CCL24: variants seen among roughly 807,000 people sequenced by gnomAD.
The protein encoded by CCL24 is C-C motif chemokine ligand 24, also known as C-C motif chemokine 24.
A neutral mutation model predicts 8.6 loss-of-function variants in CCL24; 6 were observed. The ratio of observed to expected loss-of-function variants is 0.70; its 90% CI spans 0.38 to 1.38. The LOEUF (loss-of-function observed/expected upper bound fraction) is 1.38. CCL24 is among the 40% of genes most tolerant of loss of function. The pLI is 0.02. For missense variants in CCL24, 126 were observed against 147.1 expected (o/e 0.86, Z 0.74); for synonymous variants, 59 against 52.7 (o/e 1.12, Z -0.52).
intron 1 of CCL24, among the ~76,000 whole-genome samples, chr7:75,820,551 G>A (rs1249482619): frequency 6.6e-6 from 1 of 152,080 alleles, no homozygotes; most frequent in Non-Finnish European, 1.5e-5. Context: ...CCCCAAGGGA[G>A]GTGTTTCAGG....
chr7:75,815,471 G>A (rs965396881), upstream of CCL24, among the ~76,000 whole-genome samples: 1 of 151,522 alleles, frequency 6.6e-6, no homozygotes, highest in African/African-American at 2.4e-5. Flanking sequence ...GCAAAACCCC[G>A]TCTTTAAAAA....
At chr7:75,812,087 A>G in intron 2 of CCL24, 123 bp from the exon 3 acceptor site, 1 of 734,810 alleles carries the variant, frequency 1.4e-6, no homozygotes, top group Non-Finnish European at 2.2e-6. Context: ...TGCTGAGATG[A>G]TGTCATCTTC....
chr7:75,813,230 AC>A (rs1253005984), intron 2 of CCL24, 75 bp downstream of exon 2: 2 of 830,228 alleles, frequency 2.4e-6, no homozygotes, highest in African/African-American at 3.3e-5. Context: ...GGGCTGGCTG[AC>A]CTTGCTTCTC....
At chr7:75,819,161 G>T (rs1441510965) in intron 1 of CCL24, among the ~76,000 whole-genome samples, 1 of 145,320 alleles carries the variant, frequency 6.9e-6, no homozygotes, top group Non-Finnish European at 1.5e-5. Flanking sequence ...CCAGCTGCTC[G>T]GGAGGCTGAG....
At chr7:75,820,894 T>C (rs1554535018) in intron 1 of CCL24, among the ~76,000 whole-genome samples, 1 of 150,446 alleles carries the variant, frequency 6.6e-6, no homozygotes, top group Non-Finnish European at 1.5e-5. Flanking sequence ...CATCCATCCA[T>C]TCATTAATCC....
upstream of CCL24, among the ~76,000 whole-genome samples, chr7:75,817,661 C>A (rs1360838374): frequency 1.3e-5 from 2 of 151,518 alleles, no homozygotes; most frequent in Admixed American, 6.6e-5. Flanking sequence ...CATCACCACA[C>A]CCAGCTAGTT....
At position 75,811,011 on chromosome 7, in the gene CCL24, A is replaced by G. The variant is rs569741031; in HGVS notation, c.*785T>C. Among the ~76,000 whole-genome samples the G allele has an allele frequency of 1.3e-3, 197 of 151,816 alleles. No homozygotes were observed. Among genetic ancestry groups the G allele is most frequent in the Non-Finnish European group, 2.3e-3 (155 of 67,926 alleles). ...GTGGGGTGAGCCCAGATTTGAAGGC[A>G]GTACAGGCCCTTGTCCCCAAGACAG... On this transcript the variant is annotated 3_prime_UTR_variant, in exon 3 of 3. Transcript: ENST00000222902.
chr7:75,814,075 G>C (rs1191241876), upstream of CCL24, among the ~76,000 whole-genome samples: 6 of 152,204 alleles, frequency 3.9e-5, no homozygotes, highest in African/African-American at 1.4e-4. Context: ...GCCACTCCCT[G>C]TGGGATCCTG....
rs375998761 is a variant in CCL24, at chr7:75,811,748, C to T, written c.*48G>A. 162 of 1,545,718 alleles carry T rather than the reference C, an allele frequency of 1.0e-4. 2 individuals are homozygous for T. In the Middle Eastern group the frequency reaches 2.5e-3, roughly 24 times the overall value. ...TGGCTTCTCCAGGCCCCGAGTAGCC[C>T]GCCAAGCAGCTCAGGCCCAAACTCA... is the stretch of plus-strand genomic sequence containing the variant. On this transcript the variant is annotated 3_prime_UTR_variant, in exon 3 of 3. Coordinates refer to ENST00000222902, the MANE Select transcript of CCL24 (RefSeq NM_002991.3).
chr7:75,815,605 C>T (rs576189868), upstream of CCL24, among the ~76,000 whole-genome samples: 4 of 152,278 alleles, frequency 2.6e-5, no homozygotes, highest in Admixed American at 1.3e-4. Flanking sequence ...CTGGCAACTA[C>T]GCGGAAGCCT....
intron 1 of CCL24, among the ~76,000 whole-genome samples, chr7:75,821,907 G>C (rs1335285797): frequency 7.0e-6 from 1 of 143,606 alleles, no homozygotes; most frequent in South Asian, 2.2e-4. Flanking sequence ...CAGCCTGGGC[G>C]ACAGAGCGAG....
At chr7:75,815,627 C>T (rs143654858), upstream of CCL24, among the ~76,000 whole-genome samples, 564 of 152,252 alleles carry the variant, frequency 3.7e-3, 4 homozygotes, top group African/African-American at 0.013. Context: ...TAAGTCATAA[C>T]GTCCAGTTCA....
At chr7:75,818,543 A>T (rs1279869587), upstream of CCL24, among the ~76,000 whole-genome samples, 6 of 150,660 alleles carry the variant, frequency 4.0e-5, no homozygotes, top group Non-Finnish European at 7.4e-5. Context: ...TGGGAGGCCG[A>T]GGTGGGAGGA....
chr7:75,811,746 C>A lies in CCL24; in HGVS notation c.*50G>T, dbSNP rs1554533443. 2 of 1,535,474 alleles carry A rather than the reference C, an allele frequency of 1.3e-6. No homozygotes were observed. The highest frequency in any genetic ancestry group is 1.2e-5 in the South Asian group (1 of 81,574). On this transcript the variant is annotated 3_prime_UTR_variant, in exon 3 of 3. Coordinates refer to ENST00000222902, the MANE Select transcript of CCL24 (RefSeq NM_002991.3). ...TGTGGCTTCTCCAGGCCCCGAGTAGCCCGCCAAGCAGCTCAGGCCCAAACT... is the reference window on the plus strand; with the variant it reads ...TGTGGCTTCTCCAGGCCCCGAGTAGACCGCCAAGCAGCTCAGGCCCAAACT...
In CCL24 at chr7:75,811,935, C is replaced by T. The variant is rs782792607; in HGVS notation, c.221G>A (p.Cys74Tyr). 11 of 1,610,300 alleles carry T rather than the reference C, an allele frequency of 6.8e-6. No homozygotes were observed. Among genetic ancestry groups the T allele is most frequent in the Non-Finnish European group, 9.3e-6 (11 of 1,179,354 alleles). Residue 74 changes from cysteine to tyrosine, a missense_variant, in exon 3 of 3, where the codon TGT becomes TAT. Coordinates refer to ENST00000222902, the MANE Select transcript of CCL24 (RefSeq NM_002991.3). Reference protein sequence around the residue: ...IFTTKKGQQFCGDPKQEWVQR... With the variant: ...IFTTKKGQQFYGDPKQEWVQR... The stretch of plus-strand genomic sequence containing the variant: ...GACCCACTCCTGCTTGGGGTCGCCA[C>T]AGAACTGCTGGCCCTTCTTGGTGGT...
chr7:75,818,417 A>C (rs1328806531), upstream of CCL24, among the ~76,000 whole-genome samples: 1 of 149,452 alleles, frequency 6.7e-6, no homozygotes, highest in Non-Finnish European at 1.5e-5. Flanking sequence ...ACTGCACTCC[A>C]GCCTGGGTGA....
upstream of CCL24, among the ~76,000 whole-genome samples, chr7:75,814,374 T>C (rs1803841625): frequency 6.6e-6 from 1 of 151,984 alleles, no homozygotes; most frequent in Non-Finnish European, 1.5e-5. Context: ...GAGACCAGCC[T>C]AGGCAACAAA....
upstream of CCL24, among the ~76,000 whole-genome samples, chr7:75,816,540 T>C (rs1371375286): frequency 6.6e-6 from 1 of 151,876 alleles, no homozygotes; most frequent in Non-Finnish European, 1.5e-5. Context: ...CAGAGGTTTT[T>C]TTCTTTAAAA....
chr7:75,821,292 A>G (rs1340254634), intron 1 of CCL24, among the ~76,000 whole-genome samples: 1 of 152,072 alleles, frequency 6.6e-6, no homozygotes, highest in Non-Finnish European at 1.5e-5. Flanking sequence ...TGACTTGGCC[A>G]GGTTGGAGCC....
Sources: allele counts gnomAD v4.1 joint callset (sites outside exome capture counted in the v4.1 genomes callset), GRCh38; gene constraint gnomAD v4.1.1; transcripts MANE v1.5; gene names NCBI Gene and HGNC (gene_info 2026-07-23, HGNC 2026-07-21).